The following TGM2 variants were observed in gnomAD, a reference collection of about 807,000 sequenced individuals.
The protein encoded by TGM2 is protein-glutamine gamma-glutamyltransferase 2.
In TGM2, 53 loss-of-function variants were observed where a neutral mutation model predicts 75.6. That is an observed-to-expected ratio of 0.70 (90% CI 0.56 to 0.88). TGM2 has a LOEUF of 0.88. TGM2 is among the 40% of genes least tolerant of loss of function. TGM2 has a pLI of 0.00. For missense variants in TGM2, 842 were observed against 928.5 expected, an observed-to-expected ratio of 0.91 and a Z score of 1.21; for synonymous variants, 374 against 381.1, an observed-to-expected ratio of 0.98 and a Z score of 0.22.
chr20:38,137,979 G>T, intron 10 of TGM2, 134 bp downstream of exon 10: 1 of 1,465,708 alleles, frequency 6.8e-7, no homozygotes, highest in Non-Finnish European at 9.1e-7. Context: ...AAAGTGCTTA[G>T]GACAGGGCCT....
intron 2 of TGM2, among the ~76,000 whole-genome samples, chr20:38,157,028 A>C (rs1041773901): frequency 6.6e-6 from 1 of 152,194 alleles, no homozygotes; most frequent in African/African-American, 2.4e-5. Flanking sequence ...GGTCTGAGTC[A>C]TGGGCAGGGC....
chr20:38,156,150 C>G, intron 2 of TGM2, 61 bp from the exon 3 acceptor site: 1 of 1,574,836 alleles, frequency 6.3e-7, no homozygotes, highest in East Asian at 2.3e-5. Flanking sequence ...GGCAGGGCAC[C>G]TACGTGGGGT....
chr20:38,165,653 G>A (rs1427102202), upstream of TGM2, among the ~76,000 whole-genome samples: 9 of 149,222 alleles, frequency 6.0e-5, no homozygotes, highest in African/African-American at 2.2e-4. Flanking sequence ...CTGGGATCAA[G>A]AACACCTCCC....
At chr20:38,130,982 G>C in intron 12 of TGM2, 111 bp downstream of exon 12, 1 of 1,539,070 alleles carries the variant, frequency 6.5e-7, no homozygotes, top group Non-Finnish European at 8.8e-7. Context: ...CTGTGTGGGA[G>C]ATGAGAGGAG....
chr20:38,144,117 G>A (rs2075013138), intron 6 of TGM2, among the ~76,000 whole-genome samples: 1 of 152,166 alleles, frequency 6.6e-6, no homozygotes, highest in Non-Finnish European at 1.5e-5. Flanking sequence ...TGCTTTCCAG[G>A]GAGCCAAGTG....
intron 8 of TGM2, among the ~76,000 whole-genome samples, chr20:38,140,396 C>G (rs1192520921): frequency 6.6e-6 from 1 of 152,230 alleles, no homozygotes; most frequent in Non-Finnish European, 1.5e-5. Flanking sequence ...AAAAAATGTT[C>G]CATGCCGCTG....
At position 38,155,860 on chromosome 20, in the gene TGM2, G is replaced by C. The variant is rs144593405; in HGVS notation, c.420C>G (p.Asn140Lys). Residue 140 changes from asparagine to lysine, a missense_variant, in exon 3 of 13, where the codon AAC becomes AAG. Physicochemically the swap from Asn to Lys is moderately conservative, Grantham distance 94 (BLOSUM62 0). Coordinates refer to ENST00000361475, the MANE Select transcript of TGM2 (RefSeq NM_004613.4). ...CGTGTGGCTCACCTGGGCACCAGGC[G>C]TTGAAGAGCAAAATGAAGTGGCCCA... ...FVLGHFILLF[N>K]AWCPADAVYL... 1 of 1,599,440 alleles carries C rather than the reference G, an allele frequency of 6.3e-7. No homozygotes were observed. The highest frequency in any genetic ancestry group is 1.3e-5 in the African/African-American group (1 of 74,864).
intron 3 of TGM2, 86 bp downstream of exon 3, chr20:38,155,761 T>G (rs1376328325): frequency 4.0e-6 from 6 of 1,507,492 alleles, no homozygotes; most frequent in Non-Finnish European, 5.3e-6. Context: ...TCTTATCCCC[T>G]GTTCTTCTCA....
chr20:38,140,033 T>G (rs964173776), intron 8 of TGM2, among the ~76,000 whole-genome samples: 1 of 152,228 alleles, frequency 6.6e-6, no homozygotes, highest in Non-Finnish European at 1.5e-5. Context: ...TGGAAATGTA[T>G]CCCAGACATC....
At chr20:38,134,615 C>G (rs779966507) in intron 10 of TGM2, among the ~76,000 whole-genome samples, 6 of 152,120 alleles carry the variant, frequency 3.9e-5, no homozygotes, top group Admixed American at 3.9e-4. Flanking sequence ...AGACAATTTG[C>G]CCTGTTCTAG....
At chr20:38,139,385 T>A in intron 9 of TGM2, 27 bp downstream of exon 9, 1 of 1,613,942 alleles carries the variant, frequency 6.2e-7, no homozygotes. Flanking sequence ...TCTTCAAGGC[T>A]GCATTAAAGA....
chr20:38,149,742 C>T (rs924665201), intron 4 of TGM2, among the ~76,000 whole-genome samples: 1 of 149,400 alleles, frequency 6.7e-6, no homozygotes, highest in African/African-American at 2.5e-5. Flanking sequence ...ACTTTGTTCT[C>T]CTTCTCAGGA....
intron 12 of TGM2, 106 bp downstream of exon 12, chr20:38,130,987 G>C (rs2122842369): frequency 6.4e-7 from 1 of 1,556,798 alleles, no homozygotes; most frequent in East Asian, 2.2e-5. Context: ...TGGGAGATGA[G>C]AGGAGGGGAT....
rs202067504 is a variant in TGM2 at position 38,142,117 on chromosome 20, C to T, written c.942G>A (p.Glu314=). The change falls in exon 7 of 13, where the codon GAG becomes GAA. Residue 314 remains glutamate, a synonymous_variant. Coordinates refer to ENST00000361475, the MANE Select transcript of TGM2 (RefSeq NM_004613.4). ...TCTCCCCAAACTCATTGCGGAAGTACTCGATGAGAAGGTTGCTGTTCTGGT... is the reference window on the plus strand; with the variant it reads ...TCTCCCCAAACTCATTGCGGAAGTATTCGATGAGAAGGTTGCTGTTCTGGT... The part of the protein sequence containing the change: ...AHDQNSNLLI[E]YFRNEFGEIQ... 8.8e-4 allele frequency: 1,414 copies of T among 1,614,164 alleles called. 18 individuals are homozygous for T. In the South Asian group the frequency reaches 0.015, roughly 17 times the overall value.
At chr20:38,130,582 T>C (rs574035098) in intron 12 of TGM2, among the ~76,000 whole-genome samples, 8 of 152,244 alleles carry the variant, frequency 5.3e-5, no homozygotes, top group Non-Finnish European at 1.0e-4. Context: ...TAAAAGCAGA[T>C]GGTGCATTTA....
upstream of TGM2, among the ~76,000 whole-genome samples, chr20:38,168,123 G>A (rs2075324357): frequency 6.6e-6 from 1 of 152,192 alleles, no homozygotes; most frequent in Non-Finnish European, 1.5e-5. Flanking sequence ...CACCCAGCCA[G>A]CTGCCCCCAC....
At chr20:38,141,261 C>G (rs200402855) in intron 8 of TGM2, 21 bp downstream of exon 8, 4 of 1,546,706 alleles carry the variant, frequency 2.6e-6, no homozygotes, top group Non-Finnish European at 3.5e-6. Context: ...CTGTTTGACG[C>G]GACAGTGCCC....
intron 3 of TGM2, among the ~76,000 whole-genome samples, chr20:38,154,125 G>A (rs2122945485): frequency 6.6e-6 from 1 of 152,272 alleles, no homozygotes; most frequent in East Asian, 1.9e-4. Flanking sequence ...GGATTACACT[G>A]CACCTGGGCT....
In TGM2 at chr20:38,143,928, G is replaced by A. The variant is rs188886465; in HGVS notation, c.860-1729C>T. The stretch of plus-strand genomic sequence containing the variant: ...CTGCCAGGAGATTTGTAGGAGCTTC[G>A]AGGAAGGAGGAAGGAACAGCTATGA... On this transcript the variant is annotated intron_variant, in intron 6 of 12. Coordinates refer to ENST00000361475, the MANE Select transcript of TGM2 (RefSeq NM_004613.4). Among the ~76,000 whole-genome samples the A allele has an allele frequency of 3.9e-3, 592 of 152,274 alleles. 2 individuals are homozygous for A. The highest frequency in any genetic ancestry group is 8.7e-3 in the Admixed American group (133 of 15,310).
Sources: allele counts gnomAD v4.1 joint callset (sites outside exome capture counted in the v4.1 genomes callset), GRCh38; gene constraint gnomAD v4.1.1; transcripts MANE v1.5; gene names NCBI Gene and HGNC (gene_info 2026-07-23, HGNC 2026-07-21).